JMJD1C: variants seen among roughly 807,000 people sequenced by gnomAD.
JMJD1C encodes the protein jumonji domain containing 1C.
A neutral mutation model predicts 245.3 loss-of-function variants in JMJD1C; 31 were observed. The ratio of observed to expected loss-of-function variants is 0.13; its 90% confidence interval spans 0.09 to 0.17. The LOEUF (loss-of-function observed/expected upper bound fraction) is 0.17, where lower values mean the gene tolerates loss of function less well. Ranked by LOEUF, JMJD1C falls within the 10% of genes least tolerant of loss-of-function variation. JMJD1C has a pLI of 1.00. For missense variants in JMJD1C, 2,691 were observed against 3,000.2 expected (o/e 0.90, Z 2.41); for synonymous variants, 1,057 against 1,017.4 (o/e 1.04, Z -0.74).
chr10:63,274,575 A>G (rs1289676078), intron 2 of JMJD1C, among the ~76,000 whole-genome samples: 1 of 152,082 alleles, frequency 6.6e-6, no homozygotes, highest in Non-Finnish European at 1.5e-5. Flanking sequence ...AAAAAAAAAA[A>G]CAAAAAAGTT....
At chr10:63,424,278 G>A (rs374199990) in intron 1 of JMJD1C, among the ~76,000 whole-genome samples, 81 of 147,990 alleles carry the variant, frequency 5.5e-4, no homozygotes, top group African/African-American at 1.9e-3. Context: ...TATTGCCCAC[G>A]CTGGTCTTGA....
chr10:63,170,894 G>A (rs1242915245), intron 24 of JMJD1C, among the ~76,000 whole-genome samples: 2 of 152,058 alleles, frequency 1.3e-5, no homozygotes, highest in Admixed American at 6.6e-5. Context: ...CCTTGACATT[G>A]TCTTATTCAT....
chr10:63,480,323 ATTTT>A (rs35705943), intron 1 of JMJD1C, among the ~76,000 whole-genome samples: 1 of 145,970 alleles, frequency 6.9e-6, no homozygotes, highest in Non-Finnish European at 1.5e-5. Context: ...CTATAGTTTG[ATTTT>A]TTTTTTTTTT....
chr10:63,179,600 C>T (rs1463615867), intron 22 of JMJD1C, among the ~76,000 whole-genome samples: 1 of 151,552 alleles, frequency 6.6e-6, no homozygotes, highest in Non-Finnish European at 1.5e-5. Flanking sequence ...TGGTAAAACC[C>T]GTCTTTACAA....
chr10:63,491,654 G>A (rs894932924), intron 1 of JMJD1C, among the ~76,000 whole-genome samples: 1 of 152,170 alleles, frequency 6.6e-6, no homozygotes, highest in African/African-American at 2.4e-5. Context: ...TTGCTTTGGA[G>A]TATGAAATTT....
intron 10 of JMJD1C, among the ~76,000 whole-genome samples, chr10:63,201,488 C>T (rs1294131369): frequency 6.6e-6 from 1 of 152,158 alleles, no homozygotes; most frequent in Non-Finnish European, 1.5e-5. Context: ...TACATCATTG[C>T]TCCATCACAT....
intron 1 of JMJD1C, among the ~76,000 whole-genome samples, chr10:63,380,773 A>G (rs183225942): frequency 3.9e-4 from 59 of 152,290 alleles, no homozygotes; most frequent in Non-Finnish European, 4.3e-4. Context: ...TACTCCTTCT[A>G]TCTAATTGTA....
chr10:63,373,849 C>G (rs1946508803), intron 2 of JMJD1C, among the ~76,000 whole-genome samples: 1 of 151,796 alleles, frequency 6.6e-6, no homozygotes, highest in South Asian at 2.1e-4. Flanking sequence ...TTTTAATGAA[C>G]AAAAAAGGAA....
intron 1 of JMJD1C, among the ~76,000 whole-genome samples, chr10:63,425,964 A>C (rs947409512): frequency 3.9e-5 from 6 of 152,258 alleles, no homozygotes; most frequent in African/African-American, 1.4e-4. Context: ...GGGAAAACAC[A>C]TACACAGGCA....
At chr10:63,312,520 C>A (rs994406877) in intron 2 of JMJD1C, among the ~76,000 whole-genome samples, 12 of 152,136 alleles carry the variant, frequency 7.9e-5, no homozygotes, top group African/African-American at 1.4e-4. Context: ...TAAAAAATTA[C>A]TTTTCCCACT....
intron 2 of JMJD1C, among the ~76,000 whole-genome samples, chr10:63,278,392 A>T (rs1857027940): frequency 6.6e-6 from 1 of 151,210 alleles, no homozygotes; most frequent in African/African-American, 2.4e-5. Context: ...CGGGTGTGGT[A>T]GCGCATGCCT....
chr10:63,220,158 G>T (rs1410258270), intron 3 of JMJD1C, among the ~76,000 whole-genome samples, 175 bp from the exon 4 acceptor site: 2 of 152,178 alleles, frequency 1.3e-5, no homozygotes, highest in Middle Eastern at 3.2e-3. Context: ...AAGAGCATAA[G>T]AAATTAATCT....
chr10:63,274,855 T>C (rs1227387131), intron 2 of JMJD1C, among the ~76,000 whole-genome samples: 1 of 151,448 alleles, frequency 6.6e-6, no homozygotes, highest in African/African-American at 2.4e-5. Context: ...TAGCAGAGTA[T>C]TCAGTCTTTT....
At chr10:63,461,395 C>T (rs1265765847) in intron 1 of JMJD1C, among the ~76,000 whole-genome samples, 5 of 152,072 alleles carry the variant, frequency 3.3e-5, no homozygotes, top group African/African-American at 1.2e-4. Context: ...AAATGTCAGA[C>T]TGACATAAAG....
rs1487118997 is a variant in JMJD1C, at chr10:63,465,753, G to A, written c.-91C>T. 1.0e-5 allele frequency: 15 copies of A among 1,451,714 alleles called. No homozygotes were observed. The highest frequency in any genetic ancestry group is 5.8e-5 in the South Asian group (5 of 85,696). The allele number at this position is 1,451,714 out of a possible 1,614,324, so 89.9% of individuals were successfully genotyped here. The stretch of plus-strand genomic sequence containing the variant: ...ACCGGCCGCTCATGCTGAGGAGAGC[G>A]GACCGGGACACAGCAGCGGACCCGA... On this transcript the variant is annotated 5_prime_UTR_variant, in exon 1 of 26. Transcript: ENST00000399262.
At chr10:63,397,578 G>A (rs1948587399) in intron 1 of JMJD1C, among the ~76,000 whole-genome samples, 2 of 152,038 alleles carry the variant, frequency 1.3e-5, no homozygotes, top group South Asian at 4.2e-4. Flanking sequence ...TTGTCACCCA[G>A]GCTGGAGTAC....
intron 1 of JMJD1C, among the ~76,000 whole-genome samples, chr10:63,445,136 C>T (rs1311882516): frequency 1.3e-5 from 2 of 152,096 alleles, no homozygotes; most frequent in African/African-American, 4.8e-5. Flanking sequence ...GGGTGGATCA[C>T]CTGAGCCCAG....
chr10:63,425,936 T>C (rs1360702470), intron 1 of JMJD1C, among the ~76,000 whole-genome samples: 1 of 152,210 alleles, frequency 6.6e-6, no homozygotes, highest in Non-Finnish European at 1.5e-5. Flanking sequence ...TGAATGTCAA[T>C]GTTTACTATG....
chr10:63,368,220 G>C (rs1165051204), intron 2 of JMJD1C, among the ~76,000 whole-genome samples: 1 of 152,166 alleles, frequency 6.6e-6, no homozygotes, highest in Non-Finnish European at 1.5e-5. Flanking sequence ...CTGCTTCTCT[G>C]AATCTGAAAA....
Sources: gnomAD v4.1 joint callset for allele counts (sites outside exome capture counted in the v4.1 genomes callset) on GRCh38, gnomAD v4.1.1 for gene constraint, MANE v1.5 for transcripts, NCBI Gene and HGNC (gene_info 2026-07-23, HGNC 2026-07-21) for gene names.